CAMTA1: variants seen among roughly 807,000 people sequenced by gnomAD.
CAMTA1 encodes calmodulin-binding transcription activator 1.
Under a neutral mutation model 170.9 loss-of-function variants are expected in CAMTA1, and 27 were observed. That is an observed-to-expected ratio of 0.16 (90% CI 0.12 to 0.22). The LOEUF (loss-of-function observed/expected upper bound fraction) is 0.22, where lower values mean the gene tolerates loss of function less well. CAMTA1 is among the 10% of genes least tolerant of loss of function. The pLI is 1.00. For missense variants in CAMTA1, 1,619 were observed against 2,217.2 expected, an observed-to-expected ratio of 0.73 and a Z score of 5.42; for synonymous variants, 833 against 891.5, an observed-to-expected ratio of 0.93 and a Z score of 1.17.
chr1:6,842,245 C>A (rs996708100), intron 3 of CAMTA1, among the ~76,000 whole-genome samples: 2 of 152,238 alleles, frequency 1.3e-5, no homozygotes, highest in Non-Finnish European at 2.9e-5. Context: ...CAGTGGCTCT[C>A]AAGTGGGAGA....
At chr1:7,397,835 G>C (rs1407870933) in intron 5 of CAMTA1, among the ~76,000 whole-genome samples, 3 of 151,836 alleles carry the variant, frequency 2.0e-5, no homozygotes, top group Non-Finnish European at 4.4e-5. Flanking sequence ...ATTATGATCA[G>C]AAAAGATACA....
intron 5 of CAMTA1, among the ~76,000 whole-genome samples, chr1:7,420,326 C>A (rs1399703115): frequency 6.6e-6 from 1 of 152,176 alleles, no homozygotes; most frequent in African/African-American, 2.4e-5. Context: ...GTGCCCTGCT[C>A]CTTGCTCTGT....
chr1:7,559,135 C>A (rs2150241974), intron 6 of CAMTA1, among the ~76,000 whole-genome samples: 1 of 152,312 alleles, frequency 6.6e-6, no homozygotes, highest in South Asian at 2.1e-4. Flanking sequence ...ACCGGTGGTG[C>A]TGTCTGGCAC....
intron 4 of CAMTA1, among the ~76,000 whole-genome samples, chr1:7,214,601 C>T (rs568612724): frequency 1.2e-4 from 18 of 152,272 alleles, no homozygotes; most frequent in African/African-American, 4.3e-4. Context: ...CTCTGGACCT[C>T]GTGATCCACC....
At chr1:7,734,688 G>A (rs893687582) in intron 12 of CAMTA1, among the ~76,000 whole-genome samples, 3 of 152,110 alleles carry the variant, frequency 2.0e-5, no homozygotes, top group Non-Finnish European at 4.4e-5. Flanking sequence ...TGCTCCTGTA[G>A]GTGTTTTTAC....
intron 5 of CAMTA1, among the ~76,000 whole-genome samples, chr1:7,250,250 T>C (rs567365370): frequency 6.6e-6 from 1 of 152,328 alleles, no homozygotes; most frequent in Non-Finnish European, 1.5e-5. Context: ...CTCTCAACCT[T>C]GGGCAGCCAT....
intron 3 of CAMTA1, among the ~76,000 whole-genome samples, chr1:7,032,217 G>T (rs995850773): frequency 6.6e-6 from 1 of 152,048 alleles, no homozygotes; most frequent in Non-Finnish European, 1.5e-5. Context: ...CACCTGCCTC[G>T]GCCTCCCAGA....
chr1:6,893,749 C>T (rs993128157), intron 3 of CAMTA1, among the ~76,000 whole-genome samples: 12 of 152,210 alleles, frequency 7.9e-5, no homozygotes, highest in East Asian at 5.8e-4. Context: ...GCTTTTGTAC[C>T]GTTCTGTATT....
At chr1:7,298,053 AC>A (rs1674227459) in intron 5 of CAMTA1, among the ~76,000 whole-genome samples, 2 of 152,184 alleles carry the variant, frequency 1.3e-5, no homozygotes, top group Non-Finnish European at 2.9e-5. Context: ...ATTGAGTCAA[AC>A]AATTTATAAT....
chr1:7,741,475 T>TGGCGTGAACCCAGGAGGCAG (rs1553274673), intron 16 of CAMTA1, among the ~76,000 whole-genome samples: 2 of 151,368 alleles, frequency 1.3e-5, no homozygotes, highest in East Asian at 3.9e-4. Flanking sequence ...GTCAGAAGAA[T>TGGCGTGAACCCAGGAGGCAG]GGCGTGAACC....
intron 5 of CAMTA1, among the ~76,000 whole-genome samples, chr1:7,391,275 G>A (rs1334790978): frequency 6.6e-6 from 1 of 151,998 alleles, no homozygotes; most frequent in Admixed American, 6.5e-5. Context: ...GGGATTACAG[G>A]CATGAGCTAC....
intron 16 of CAMTA1, among the ~76,000 whole-genome samples, chr1:7,742,048 A>C (rs777977655): frequency 2.6e-5 from 4 of 151,824 alleles, no homozygotes; most frequent in Non-Finnish European, 5.9e-5. Flanking sequence ...GAAATGATAG[A>C]TAACAGCTAT....
chr1:7,409,860 G>A (rs574774394), intron 5 of CAMTA1, among the ~76,000 whole-genome samples: 8 of 152,272 alleles, frequency 5.3e-5, no homozygotes, highest in Admixed American at 2.6e-4. Context: ...TTTTGGAATC[G>A]GACAAATCAT....
Position 7,498,191 on chromosome 1 carries a change from A to AGTGTTGGTGTGT in CAMTA1, c.510+30294_510+30295insTGGTGTGTGTGT, listed in dbSNP as rs1553182529. Among the ~76,000 whole-genome samples, 54 of 148,632 alleles carry AGTGTTGGTGTGT rather than the reference A, an allele frequency of 3.6e-4. 1 individual carries two copies. In the East Asian group the frequency reaches 8.4e-3, roughly 23 times the overall value. ...GTGTGCATGTGTGTGTATGAGAGTG[A>AGTGTTGGTGTGT]GTGTGTGTGTGTGTGACAGTGTGGA... On this transcript the variant is annotated intron_variant, in intron 6 of 22. Transcript: ENST00000303635.
chr1:7,016,113 C>G (rs571308664), intron 3 of CAMTA1, among the ~76,000 whole-genome samples: 1 of 151,344 alleles, frequency 6.6e-6, no homozygotes, highest in Admixed American at 6.6e-5. Context: ...CCTGCCCCAT[C>G]CTAACCCCCC....
intron 3 of CAMTA1, among the ~76,000 whole-genome samples, chr1:6,944,798 G>A (rs928638630): frequency 1.3e-5 from 2 of 152,234 alleles, no homozygotes; most frequent in African/African-American, 4.8e-5. Flanking sequence ...AATGGTGAAA[G>A]TGATACGCAT....
chr1:7,108,333 A>G (rs962667881), intron 4 of CAMTA1, among the ~76,000 whole-genome samples: 4 of 152,172 alleles, frequency 2.6e-5, no homozygotes, highest in Admixed American at 6.5e-5. Context: ...TGAGGAGTAC[A>G]TGAGTGAAGC....
At chr1:6,984,628 C>G (rs1695055590) in intron 3 of CAMTA1, among the ~76,000 whole-genome samples, 1 of 134,602 alleles carries the variant, frequency 7.4e-6, no homozygotes, top group African/African-American at 2.7e-5. Flanking sequence ...AGAAAATACT[C>G]ACAAAAAACA....
chr1:7,755,723 G>T, intron 22 of CAMTA1, 55 bp downstream of exon 22: 3 of 1,530,538 alleles, frequency 2.0e-6, no homozygotes, highest in Non-Finnish European at 2.7e-6. Context: ...TCAGTATTTT[G>T]CTTTTTGCTT....
Sources: gnomAD v4.1 joint callset for allele counts (sites outside exome capture counted in the v4.1 genomes callset) on GRCh38, gnomAD v4.1.1 for gene constraint, MANE v1.5 for transcripts, NCBI Gene and HGNC (gene_info 2026-07-23, HGNC 2026-07-21) for gene names.